The following PHF20 variants were observed in gnomAD, a reference collection of about 807,000 sequenced individuals.
PHF20 encodes the protein glioma-expressed antigen 2.
Under a neutral mutation model 113.5 loss-of-function variants are expected in PHF20, and 23 were observed. The ratio of observed to expected loss-of-function variants is 0.20; its 90% CI spans 0.15 to 0.29. The LOEUF is 0.29. PHF20 is among the 10% of genes least tolerant of loss of function. The pLI is 1.00. For missense variants in PHF20, 943 were observed against 1,219.6 expected (o/e 0.77, Z 3.38); for synonymous variants, 434 against 457.3 (o/e 0.95, Z 0.65).
intron 9 of PHF20, among the ~76,000 whole-genome samples, chr20:35,884,886 A>G (rs2054698551): frequency 6.6e-6 from 1 of 152,108 alleles, no homozygotes; most frequent in Non-Finnish European, 1.5e-5. Flanking sequence ...GCTGGAGTGC[A>G]GTGATGAGAT....
chr20:35,801,163 A>G (rs1462159963), intron 1 of PHF20, among the ~76,000 whole-genome samples: 1 of 152,180 alleles, frequency 6.6e-6, no homozygotes, highest in African/African-American at 2.4e-5. Flanking sequence ...CTGAGCAAAT[A>G]TTTGTTGAAT....
intron 2 of PHF20, 104 bp from the exon 3 acceptor site, chr20:35,842,469 G>T: frequency 2.9e-6 from 3 of 1,022,980 alleles, no homozygotes; most frequent in Non-Finnish European, 4.3e-6. Context: ...GGTAGGCCTG[G>T]TAACCTTCTC....
chr20:35,812,501 C>T (rs919466604), intron 2 of PHF20, among the ~76,000 whole-genome samples: 1 of 152,108 alleles, frequency 6.6e-6, no homozygotes, highest in Non-Finnish European at 1.5e-5. Context: ...TTAGAATGTC[C>T]CACATTCTGG....
At chr20:35,901,643 T>C (rs7267005) in intron 10 of PHF20, among the ~76,000 whole-genome samples, 8,852 of 152,268 alleles carry the variant, frequency 0.058, 408 homozygotes, top group African/African-American at 0.13. Context: ...TTTCTTCTCT[T>C]GCCCTGGTTG....
chr20:35,782,836 T>C (rs2041329428), intron 1 of PHF20, among the ~76,000 whole-genome samples: 1 of 152,190 alleles, frequency 6.6e-6, no homozygotes, highest in Admixed American at 6.6e-5. Context: ...CTGACATCAG[T>C]CATTGGAAAT....
Position 35,893,850 on chromosome 20 carries a change from A to G in PHF20, c.1283-5520A>G, listed in dbSNP as rs140543464. On this transcript the variant is annotated intron_variant, in intron 9 of 17. Coordinates refer to ENST00000374012, the MANE Select transcript of PHF20 (RefSeq NM_016436.5). ...AGGCTGGTCTTGAACTCCTGACCTC[A>G]GGTGATCTGCCTGCCTTGGCTTCCC... Among the ~76,000 whole-genome samples, 930 of 152,322 alleles carry G rather than the reference A, an allele frequency of 6.1e-3. 13 individuals carry two copies. The highest frequency in any genetic ancestry group is 0.021 in the African/African-American group (881 of 41,576).
At chr20:35,926,864 C>T (rs943545455) in intron 13 of PHF20, among the ~76,000 whole-genome samples, 30 of 152,298 alleles carry the variant, frequency 2.0e-4, no homozygotes, top group Non-Finnish European at 4.3e-4. Context: ...GCTCACTGTC[C>T]ACCTTCTAGG....
chr20:35,790,389 C>T (rs1373746544), intron 1 of PHF20, among the ~76,000 whole-genome samples: 1 of 150,892 alleles, frequency 6.6e-6, no homozygotes, highest in African/African-American at 2.4e-5. Flanking sequence ...TTAGTAGAGG[C>T]GGGATTTCAC....
chr20:35,881,942 C>T (rs2054643761), intron 9 of PHF20, among the ~76,000 whole-genome samples: 1 of 152,248 alleles, frequency 6.6e-6, no homozygotes, highest in Non-Finnish European at 1.5e-5. Context: ...CCTTGCTATC[C>T]TGCAGGCATA....
chr20:35,791,470 T>TA (rs2041549431), intron 1 of PHF20, among the ~76,000 whole-genome samples: 2 of 133,652 alleles, frequency 1.5e-5, no homozygotes, highest in South Asian at 4.4e-4. Flanking sequence ...TCTATCTATC[T>TA]ATCTATCTAT....
At chr20:35,907,700 A>G (rs369607693) in intron 10 of PHF20, among the ~76,000 whole-genome samples, 7 of 152,208 alleles carry the variant, frequency 4.6e-5, no homozygotes, top group African/African-American at 1.7e-4. Context: ...GTGGTCTCAG[A>G]GTGTGGTTGA....
At chr20:35,937,855 TTTG>T (rs751595220) in intron 15 of PHF20, among the ~76,000 whole-genome samples, 79 of 152,202 alleles carry the variant, frequency 5.2e-4, no homozygotes, top group African/African-American at 1.4e-3. Flanking sequence ...ATTTTAATGT[TTTG>T]TTGTTGTTGT....
At chr20:35,832,068 T>A (rs923844768) in intron 2 of PHF20, among the ~76,000 whole-genome samples, 1 of 152,180 alleles carries the variant, frequency 6.6e-6, no homozygotes, top group Admixed American at 6.5e-5. Flanking sequence ...TTGAATTTCC[T>A]TGTCCTCTTT....
At chr20:35,870,931 A>G (rs747889850) in intron 7 of PHF20, 24 bp from the exon 8 acceptor site, 2 of 1,549,892 alleles carry the variant, frequency 1.3e-6, no homozygotes, top group Non-Finnish European at 1.7e-6. Context: ...TCTCTTGACT[A>G]CAACTCTCTT....
intron 13 of PHF20, among the ~76,000 whole-genome samples, chr20:35,923,776 G>A (rs868170982): frequency 1.3e-5 from 2 of 152,074 alleles, no homozygotes; most frequent in African/African-American, 4.8e-5. Context: ...TTTTGAGACA[G>A]GATCTTGCTT....
intron 2 of PHF20, chr20:35,802,094 A>T (rs1281750588): frequency 6.5e-6 from 1 of 153,456 alleles, no homozygotes. Flanking sequence ...GAGGGGTTAT[A>T]GTCCCAGCTG....
intron 1 of PHF20, among the ~76,000 whole-genome samples, chr20:35,777,368 A>C (rs1032451601): frequency 5.3e-5 from 8 of 152,176 alleles, no homozygotes; most frequent in African/African-American, 1.9e-4. Context: ...GGATTTGGGG[A>C]AAGTATGAGA....
intron 6 of PHF20, among the ~76,000 whole-genome samples, chr20:35,864,407 A>AAC (rs376477234): frequency 0.31 from 40,333 of 132,122 alleles, 6,024 homozygotes; most frequent in East Asian, 0.56. Flanking sequence ...CCCATCTCAA[A>AAC]ACACACACAC....
intron 2 of PHF20, among the ~76,000 whole-genome samples, chr20:35,809,662 T>G (rs1458788645): frequency 6.7e-6 from 1 of 149,826 alleles, no homozygotes; most frequent in African/African-American, 2.5e-5. Flanking sequence ...GGTGGGAGGA[T>G]TGATTGAGTC....
Sources: allele counts gnomAD v4.1 joint callset (sites outside exome capture counted in the v4.1 genomes callset), GRCh38; gene constraint gnomAD v4.1.1; transcripts MANE v1.5; gene names NCBI Gene and HGNC (gene_info 2026-07-23, HGNC 2026-07-21).